DYSF: variants seen among roughly 807,000 people sequenced by gnomAD.
DYSF encodes dystrophy-associated fer-1-like 1.
DYSF carries 212 observed loss-of-function variants against 274.9 expected under a neutral mutation model. The observed-to-expected ratio is 0.77, with a 90% confidence interval of 0.69 to 0.86. The LOEUF (loss-of-function observed/expected upper bound fraction) is 0.86, where lower values mean the gene tolerates loss of function less well. Ranked by LOEUF, DYSF falls within the 40% of genes least tolerant of loss-of-function variation. The pLI is 0.00. For synonymous variants in DYSF, 1,091 were observed against 1,078.7 expected (o/e 1.01, Z -0.22); for missense variants, 2,666 against 2,783.2 (o/e 0.96, Z 0.95).
At chr2:71,522,066 C>T (rs556143644) in intron 12 of DYSF, among the ~76,000 whole-genome samples, 50 of 151,866 alleles carry the variant, frequency 3.3e-4, no homozygotes, top group Non-Finnish European at 4.1e-4. Context: ...ACATCCTCCA[C>T]TGTCTTCTTT....
In DYSF at chr2:71,551,671, G is replaced by C; in HGVS notation, c.1757G>C (p.Ser586Thr). The C allele has an allele frequency of 6.2e-7, 1 of 1,611,194 alleles. No homozygotes were observed. Among genetic ancestry groups the C allele is most frequent in the Non-Finnish European group, 8.5e-7 (1 of 1,179,490 alleles). ...LSLETKLVEHSEQKVEDLPAD... is the reference protein window; with the variant it reads ...LSLETKLVEHTEQKVEDLPAD... The stretch of plus-strand genomic sequence containing the variant: ...CTGGAGACCAAGCTGGTGGAGCACA[G>C]TGAACAGAAGGTGGAGGACCTTCCT... Residue 586 changes from serine to threonine, a missense_variant, in exon 19 of 56, where the codon AGT becomes ACT. Ser to Thr is a moderately conservative substitution (Grantham distance 58). Around this residue, in one of 3 missense-constraint regions of DYSF, gnomAD observed 794 missense variants for 777.1 expected, o/e 1.02. Coordinates refer to ENST00000410020, the MANE Select transcript of DYSF (RefSeq NM_001130987.2).
At chr2:71,644,778 C>T (rs1006486671) in intron 42 of DYSF, among the ~76,000 whole-genome samples, 1 of 152,224 alleles carries the variant, frequency 6.6e-6, no homozygotes, top group Non-Finnish European at 1.5e-5. Context: ...GCATGGTCTC[C>T]TGGCTAGGGT....
intron 42 of DYSF, among the ~76,000 whole-genome samples, chr2:71,655,741 T>G (rs186728349): frequency 5.3e-4 from 81 of 152,394 alleles, no homozygotes; most frequent in African/African-American, 1.9e-3. Flanking sequence ...AAATAAAATG[T>G]CGGTCCACCC....
chr2:71,564,374 C>T (rs1482654216), intron 24 of DYSF, among the ~76,000 whole-genome samples, 161 bp downstream of exon 24: 1 of 152,202 alleles, frequency 6.6e-6, no homozygotes, highest in Non-Finnish European at 1.5e-5. Context: ...CCCTTTTCCT[C>T]GGTTACCCCC....
intron 27 of DYSF, 70 bp downstream of exon 27, chr2:71,570,004 C>T: frequency 3.6e-6 from 5 of 1,382,722 alleles, no homozygotes; most frequent in Non-Finnish European, 5.1e-6. Context: ...TGCTCAGGGA[C>T]AGGTGGGGCA....
chr2:71,544,119 A>G (rs1481730434), intron 17 of DYSF, among the ~76,000 whole-genome samples: 2 of 152,194 alleles, frequency 1.3e-5, no homozygotes, highest in African/African-American at 4.8e-5. Flanking sequence ...GAGGATTCCA[A>G]ATCATTTTCT....
At chr2:71,632,362 T>G (rs192445346) in intron 41 of DYSF, among the ~76,000 whole-genome samples, 1 of 152,368 alleles carries the variant, frequency 6.6e-6, no homozygotes, top group Non-Finnish European at 1.5e-5. Flanking sequence ...AAAAGTAATG[T>G]GATTTTGTAT....
At chr2:71,679,368 C>CG in intron 53 of DYSF, 133 bp downstream of exon 53, 3 of 890,762 alleles carry the variant, frequency 3.4e-6, no homozygotes, top group Non-Finnish European at 5.1e-6. Flanking sequence ...TGCCCCCATC[C>CG]CCCCTCTCTC....
At chr2:71,587,155 G>T (rs779947302) in intron 30 of DYSF, among the ~76,000 whole-genome samples, 1 of 152,200 alleles carries the variant, frequency 6.6e-6, no homozygotes, top group African/African-American at 2.4e-5. Context: ...CTGCAGCCAG[G>T]GGGGTGTTCT....
At chr2:71,550,513 A>G (rs887498487) in intron 17 of DYSF, among the ~76,000 whole-genome samples, 1 of 152,218 alleles carries the variant, frequency 6.6e-6, no homozygotes, top group Non-Finnish European at 1.5e-5. Flanking sequence ...GCTGGGCTCC[A>G]TCCCTGGCCT....
chr2:71,584,460 G>A (rs185871016), intron 30 of DYSF, among the ~76,000 whole-genome samples: 1 of 152,108 alleles, frequency 6.6e-6, no homozygotes, highest in East Asian at 1.9e-4. Context: ...TCATCCTGGG[G>A]TGTAAGTGAG....
chr2:71,469,747 G>T (rs1175644133), intron 1 of DYSF, among the ~76,000 whole-genome samples: 5 of 152,120 alleles, frequency 3.3e-5, no homozygotes, highest in Non-Finnish European at 5.9e-5. Context: ...TCATTCTTTT[G>T]TTTTTCTATT....
chr2:71,657,164 C>G (rs1438862620), intron 43 of DYSF, among the ~76,000 whole-genome samples: 1 of 152,094 alleles, frequency 6.6e-6, no homozygotes, highest in Non-Finnish European at 1.5e-5. Flanking sequence ...AGAAATTGGC[C>G]AAAACCAAAA....
chr2:71,668,431 T>C (rs1470004493), intron 48 of DYSF, among the ~76,000 whole-genome samples: 1 of 152,112 alleles, frequency 6.6e-6, no homozygotes, highest in Non-Finnish European at 1.5e-5. Context: ...TTCTGAGCCC[T>C]CCATAACTGA....
At chr2:71,590,973 A>G (rs192915018) in intron 32 of DYSF, among the ~76,000 whole-genome samples, 1 of 152,272 alleles carries the variant, frequency 6.6e-6, no homozygotes, top group Admixed American at 6.5e-5. Context: ...ACACTGCCCC[A>G]GACACACCTG....
chr2:71,570,683 GGCGGC>G lies in DYSF; in HGVS notation c.3173_3177del (p.Arg1058LeufsTer72). On this transcript the variant is annotated frameshift_variant, in exon 29 of 56. Coordinates refer to ENST00000410020, the MANE Select transcript of DYSF (RefSeq NM_001130987.2). LOFTEE classifies it high-confidence loss of function. ...GAGAAGATGTACTACACACACCGAC[GGCGGC>G]GCTGGGTGCGCCTGCGCAGGAGGGA... The G allele has an allele frequency of 1.2e-6, 2 of 1,614,072 alleles. No individual in the cohort carries two copies. Among genetic ancestry groups the G allele is most frequent in the South Asian group, 2.2e-5 (2 of 91,088 alleles).
At chr2:71,519,811 G>GTTTTTTTTTTTTTTTTTTTTTTTT (rs70959241) in intron 10 of DYSF, among the ~76,000 whole-genome samples, 2 of 102,286 alleles carry the variant, frequency 2.0e-5, no homozygotes. Flanking sequence ...CACCCGGCTA[G>GTTTTTTTTTTTTTTTTTTTTTTTT]TTTTTTTTTT....
chr2:71,675,474 G>C (rs1263771336), intron 52 of DYSF, among the ~76,000 whole-genome samples: 1 of 152,200 alleles, frequency 6.6e-6, no homozygotes, highest in Non-Finnish European at 1.5e-5. Context: ...TCTTAGCTGA[G>C]CCCTGGGGCC....
chr2:71,650,991 C>T (rs889417786), intron 42 of DYSF, among the ~76,000 whole-genome samples: 4 of 151,842 alleles, frequency 2.6e-5, no homozygotes, highest in African/African-American at 4.8e-5. Context: ...TACAGAATGC[C>T]GGGAAAATGA....
Sources: allele counts gnomAD v4.1 joint callset (sites outside exome capture counted in the v4.1 genomes callset), GRCh38; gene constraint gnomAD v4.1.1; regional missense constraint gnomAD v4.1.1; transcripts MANE v1.5; gene names NCBI Gene and HGNC (gene_info 2026-07-23, HGNC 2026-07-21).